The following CPXM2 variants were observed in gnomAD, a reference collection of about 807,000 sequenced individuals.
CPXM2 encodes the protein carboxypeptidase X, M14 family member 2.
In CPXM2, 66 loss-of-function variants were observed where a neutral mutation model predicts 86.1. The observed-to-expected ratio is 0.77, with a 90% CI of 0.63 to 0.94. The LOEUF is 0.94. Among genes scored for constraint, CPXM2 ranks in the 40% least tolerant of loss-of-function variants. The probability of loss-of-function intolerance (pLI) is 0.00; values close to 1 mark genes in which losing one functional copy is unlikely to be tolerated. For synonymous variants in CPXM2, 388 were observed against 400.2 expected, an observed-to-expected ratio of 0.97 and a Z score of 0.36; for missense variants, 948 against 1,026.3, an observed-to-expected ratio of 0.92 and a Z score of 1.04.
At chr10:123,820,033 CT>C (rs903277530) in intron 4 of CPXM2, among the ~76,000 whole-genome samples, 8 of 152,180 alleles carry the variant, frequency 5.3e-5, no homozygotes, top group African/African-American at 1.9e-4. Context: ...CAGCCTACAT[CT>C]TTCTCCTGTG....
intron 2 of CPXM2, among the ~76,000 whole-genome samples, chr10:123,937,355 C>T (rs988199699): frequency 7.3e-5 from 11 of 151,660 alleles, no homozygotes; most frequent in Non-Finnish European, 1.5e-4. Context: ...CTTCCCTCAG[C>T]GATGCTGAAA....
intron 8 of CPXM2, among the ~76,000 whole-genome samples, chr10:123,770,026 C>A (rs1846590095): frequency 6.6e-6 from 1 of 152,202 alleles, no homozygotes; most frequent in Non-Finnish European, 1.5e-5. Context: ...GTAATCCCAG[C>A]ACTTTGGGAG....
intron 2 of CPXM2, among the ~76,000 whole-genome samples, chr10:123,875,774 C>T (rs962278739): frequency 6.7e-6 from 1 of 150,276 alleles, no homozygotes; most frequent in African/African-American, 2.4e-5. Context: ...CTACTTCCAT[C>T]CTGGTAGGAG....
At chr10:123,825,322 C>T (rs758486129) in intron 4 of CPXM2, among the ~76,000 whole-genome samples, 22 of 152,152 alleles carry the variant, frequency 1.4e-4, no homozygotes, top group Non-Finnish European at 3.1e-4. Flanking sequence ...TTTCCCAGCA[C>T]GTTAATGTTT....
intron 4 of CPXM2, among the ~76,000 whole-genome samples, chr10:123,815,581 A>G (rs1847797091): frequency 6.6e-6 from 1 of 152,178 alleles, no homozygotes; most frequent in South Asian, 2.1e-4. Flanking sequence ...CCATGCTGCC[A>G]TCAGCCTTTC....
chr10:123,860,292 T>C (rs1424130394), intron 3 of CPXM2, among the ~76,000 whole-genome samples: 1 of 152,154 alleles, frequency 6.6e-6, no homozygotes, highest in Admixed American at 6.5e-5. Flanking sequence ...CTGTGAGTGA[T>C]TAGGACTCTC....
chr10:123,826,248 C>T (rs1379530353), intron 4 of CPXM2, among the ~76,000 whole-genome samples: 1 of 152,146 alleles, frequency 6.6e-6, no homozygotes, highest in Admixed American at 6.5e-5. Context: ...GAAGACACCA[C>T]CTGGCAGGAT....
chr10:123,910,155 A>G (rs1436952380), intron 2 of CPXM2, among the ~76,000 whole-genome samples: 1 of 152,036 alleles, frequency 6.6e-6, no homozygotes, highest in Admixed American at 6.5e-5. Context: ...GAGCTGGCCC[A>G]CCTGCACATT....
At chr10:123,771,888 C>T (rs772161714) in intron 7 of CPXM2, among the ~76,000 whole-genome samples, 3 of 152,136 alleles carry the variant, frequency 2.0e-5, no homozygotes, top group Non-Finnish European at 4.4e-5. Context: ...AGGTGCCTTC[C>T]GCCATTATTA....
intron 2 of CPXM2, among the ~76,000 whole-genome samples, chr10:123,897,545 G>C (rs185248999): frequency 6.6e-6 from 1 of 152,184 alleles, no homozygotes; most frequent in African/African-American, 2.4e-5. Flanking sequence ...GAGCTTGGGC[G>C]GAGTGGCATA....
intron 3 of CPXM2, among the ~76,000 whole-genome samples, chr10:123,860,547 C>T (rs141877670): frequency 8.3e-4 from 127 of 152,290 alleles, no homozygotes; most frequent in African/African-American, 3.0e-3. Flanking sequence ...AATTTTTGAC[C>T]GAAAGCACAA....
intron 6 of CPXM2, among the ~76,000 whole-genome samples, chr10:123,794,768 T>TGCGC (rs59998562): frequency 6.8e-6 from 1 of 147,602 alleles, no homozygotes; most frequent in African/African-American, 2.6e-5. Context: ...TGTGTGTGTG[T>TGCGC]GCGCATGTGT....
intron 13 of CPXM2, chr10:123,752,192 T>C: frequency 1.0e-6 from 1 of 985,448 alleles, no homozygotes; most frequent in Non-Finnish European, 1.2e-6. Flanking sequence ...CTGCGTGGTC[T>C]CTGGCACATT....
At position 123,849,909 on chromosome 10, in the gene CPXM2, G is replaced by A. The variant is rs185970617; in HGVS notation, c.514-7421C>T. Among the ~76,000 whole-genome samples the A allele has an allele frequency of 3.3e-5, 5 of 152,292 alleles. No homozygotes were observed. The East Asian group carries it at 9.6e-4, about 29-fold the overall frequency. On this transcript the variant is annotated intron_variant, in intron 3 of 13. Coordinates refer to ENST00000241305, the MANE Select transcript of CPXM2 (RefSeq NM_198148.3). ...CCAAGATGTAGACCATGAGCACCATGTCAGAAGCTCCCTGTGCCCCTTCCC... is the reference window on the plus strand; with the variant it reads ...CCAAGATGTAGACCATGAGCACCATATCAGAAGCTCCCTGTGCCCCTTCCC...
intron 2 of CPXM2, among the ~76,000 whole-genome samples, chr10:123,934,776 C>A (rs1028053148): frequency 6.6e-6 from 1 of 152,190 alleles, no homozygotes; most frequent in Non-Finnish European, 1.5e-5. Flanking sequence ...CCTTTCTCCC[C>A]ACCCATTTCC....
chr10:123,880,145 T>TTGGGGGCCCCCCC, intron 2 of CPXM2, 66 bp downstream of exon 2: 10 of 407,580 alleles, frequency 2.5e-5, no homozygotes, highest in Non-Finnish European at 4.3e-5. Flanking sequence ...CAGGGGCCTG[T>TTGGGGGCCCCCCC]ACCCACCCAC....
chr10:123,782,900 C>T (rs771256036), intron 6 of CPXM2, among the ~76,000 whole-genome samples: 3 of 152,184 alleles, frequency 2.0e-5, no homozygotes, highest in African/African-American at 4.8e-5. Flanking sequence ...TATATAAAAC[C>T]GGTTGCAGTA....
chr10:123,835,598 T>C (rs1407170520), intron 4 of CPXM2, among the ~76,000 whole-genome samples: 2 of 152,196 alleles, frequency 1.3e-5, no homozygotes, highest in Non-Finnish European at 2.9e-5. Context: ...TGGAAACTTC[T>C]CTCTCCCCAG....
intron 3 of CPXM2, among the ~76,000 whole-genome samples, chr10:123,861,268 A>G (rs1848843719): frequency 6.6e-6 from 1 of 152,172 alleles, no homozygotes; most frequent in Non-Finnish European, 1.5e-5. Context: ...TGCACGTGCA[A>G]AGGGGCTTGG....
Sources: allele counts gnomAD v4.1 joint callset (sites outside exome capture counted in the v4.1 genomes callset), GRCh38; gene constraint gnomAD v4.1.1; transcripts MANE v1.5; gene names NCBI Gene and HGNC (gene_info 2026-07-23, HGNC 2026-07-21).